The following RERE variants were observed in gnomAD, a reference collection of about 807,000 sequenced individuals.
RERE encodes the protein arginine-glutamic acid dipeptide repeats.
In RERE, 40 loss-of-function variants were observed where a neutral mutation model predicts 146.1. The observed-to-expected ratio is 0.27, with a 90% CI of 0.21 to 0.36. RERE has a LOEUF of 0.36. Among genes scored for constraint, RERE ranks in the 10% least tolerant of loss-of-function variants. The pLI, the probability that RERE is intolerant of heterozygous loss-of-function variation, is 1.00. For missense variants in RERE, 1,933 were observed against 2,138.7 expected (o/e 0.90, Z 1.90); for synonymous variants, 1,003 against 866.0 (o/e 1.16, Z -2.78).
At chr1:8,763,021 T>A (rs1640783986) in intron 1 of RERE, among the ~76,000 whole-genome samples, 1 of 152,138 alleles carries the variant, frequency 6.6e-6, no homozygotes, top group Admixed American at 6.5e-5. Context: ...TAGGGTCCAG[T>A]AAGCTTAAAA....
chr1:8,796,824 GAATGTTTA>G, intron 1 of RERE, among the ~76,000 whole-genome samples: 2 of 152,188 alleles, frequency 1.3e-5, no homozygotes, highest in Middle Eastern at 6.8e-3. Context: ...ACAGGAAACT[GAATGTTTA>G]AGTATATATA....
intron 12 of RERE, among the ~76,000 whole-genome samples, chr1:8,395,353 T>C (rs1456811777): frequency 1.3e-5 from 2 of 151,828 alleles, no homozygotes; most frequent in African/African-American, 4.8e-5. Context: ...CACACGCCTG[T>C]AGTCCCAGCT....
chr1:8,415,692 G>C (rs1227918930), intron 12 of RERE, among the ~76,000 whole-genome samples: 2 of 152,218 alleles, frequency 1.3e-5, no homozygotes, highest in African/African-American at 4.8e-5. Flanking sequence ...GGGAATATCA[G>C]CCAGTCTCTC....
chr1:8,435,182 T>TC (rs1331373719), intron 11 of RERE, among the ~76,000 whole-genome samples: 1 of 152,274 alleles, frequency 6.6e-6, no homozygotes, highest in Non-Finnish European at 1.5e-5. Flanking sequence ...TGCATGCCTC[T>TC]CTATAACCTT....
At chr1:8,395,549 C>G (rs1023200221) in intron 12 of RERE, among the ~76,000 whole-genome samples, 4 of 151,340 alleles carry the variant, frequency 2.6e-5, no homozygotes, top group African/African-American at 4.9e-5. Flanking sequence ...TCCTGCTCAG[C>G]TATGCAGGCA....
At chr1:8,723,039 G>A (rs1037062105) in intron 1 of RERE, among the ~76,000 whole-genome samples, 4 of 152,250 alleles carry the variant, frequency 2.6e-5, no homozygotes, top group Non-Finnish European at 4.4e-5. Context: ...CAGCACAAAC[G>A]ATTCAGAACT....
At chr1:8,380,396 T>G (rs1314307949) in intron 12 of RERE, among the ~76,000 whole-genome samples, 3 of 151,688 alleles carry the variant, frequency 2.0e-5, no homozygotes, top group Admixed American at 2.0e-4. Flanking sequence ...TTGCCCAGGC[T>G]GGAGTGCAGT....
At position 8,737,041 on chromosome 1, in the gene RERE, G is replaced by C. The variant is rs1261051223; in HGVS notation, c.-145+80119C>G. Among the ~76,000 whole-genome samples, 2 of 152,266 alleles carry C rather than the reference G, an allele frequency of 1.3e-5. 1 individual carries two copies. Among genetic ancestry groups the C allele is most frequent in the South Asian group, 4.2e-4 (2 of 4,816 alleles). ...TATTCCTCTTTCCTCTGAAGACTCA[G>C]AAGCAGACCTTTCAGGAGAATTTCT... On this transcript the variant is annotated intron_variant, in intron 1 of 22. Coordinates refer to ENST00000400908, the MANE Select transcript of RERE (RefSeq NM_001042681.2).
intron 1 of RERE, among the ~76,000 whole-genome samples, chr1:8,816,947 G>C (rs910713585): frequency 7.2e-5 from 11 of 152,280 alleles, no homozygotes; most frequent in African/African-American, 2.6e-4. Flanking sequence ...GCAGGGGTCA[G>C]AAGGCACGCA....
Position 8,390,882 on chromosome 1 carries a change from A to G in RERE, c.1285-24908T>C, listed in dbSNP as rs1360550815. On this transcript the variant is annotated intron_variant, in intron 12 of 22. Transcript: ENST00000400908. ...CTGACGCTGTCCTCTCTGATTTGCCACTTCTGATTCAACACCAAATCTCAC... is the reference window on the plus strand; with the variant it reads ...CTGACGCTGTCCTCTCTGATTTGCCGCTTCTGATTCAACACCAAATCTCAC... 2.0e-5 allele frequency among the ~76,000 whole-genome samples: 3 copies of G among 152,056 alleles called. No individual in the cohort carries two copies. In the East Asian group the frequency reaches 5.8e-4, roughly 29 times the overall value.
chr1:8,713,260 A>C (rs1639702629), intron 1 of RERE, among the ~76,000 whole-genome samples: 1 of 152,216 alleles, frequency 6.6e-6, no homozygotes, highest in Admixed American at 6.5e-5. Context: ...CATTTGATAC[A>C]AGTTTTCTAT....
At chr1:8,755,538 T>C (rs1640624051) in intron 1 of RERE, among the ~76,000 whole-genome samples, 1 of 152,184 alleles carries the variant, frequency 6.6e-6, no homozygotes. Flanking sequence ...TGAGGGTCTC[T>C]TTGGTTTAAG....
intron 1 of RERE, among the ~76,000 whole-genome samples, chr1:8,711,157 C>CAAAAAAAAAAA (rs57814312): frequency 7.3e-5 from 5 of 68,248 alleles, no homozygotes; most frequent in African/African-American, 6.2e-5. Context: ...ACTCTGTCTC[C>CAAAAAAAAAAA]AAAAAAAAAA....
chr1:8,739,992 T>A (rs1640276546), intron 1 of RERE, among the ~76,000 whole-genome samples: 1 of 152,088 alleles, frequency 6.6e-6, no homozygotes, highest in Admixed American at 6.6e-5. Flanking sequence ...ACAGCCTTCC[T>A]TCTTTCCCCT....
rs906034476 is a variant in RERE at position 8,726,315 on chromosome 1, T to A, written c.-144-69874A>T. 2.6e-5 allele frequency among the ~76,000 whole-genome samples: 4 copies of A among 151,712 alleles called. No homozygotes were observed. The East Asian group carries it at 5.8e-4, about 22-fold the overall frequency. On this transcript the variant is annotated intron_variant, in intron 1 of 22. Coordinates refer to ENST00000400908, the MANE Select transcript of RERE (RefSeq NM_001042681.2). Reference sequence around the variant, plus strand: ...TACAAGCACACGCCACCACGCTCGGTTAATTTTTATATTTTTAGTAGAGAT... The same window carrying A: ...TACAAGCACACGCCACCACGCTCGGATAATTTTTATATTTTTAGTAGAGAT...
chr1:8,589,336 A>T (rs1380937374), intron 4 of RERE, among the ~76,000 whole-genome samples: 1 of 152,164 alleles, frequency 6.6e-6, no homozygotes, highest in Non-Finnish European at 1.5e-5. Context: ...GCTACTTGGG[A>T]GGCTGAGGCA....
chr1:8,567,842 T>C (rs1646170569), intron 4 of RERE, among the ~76,000 whole-genome samples: 1 of 152,152 alleles, frequency 6.6e-6, no homozygotes, highest in South Asian at 2.1e-4. Context: ...CACACAGAGA[T>C]AAACTGTACG....
intron 2 of RERE, among the ~76,000 whole-genome samples, chr1:8,645,748 A>T (rs1647274975): frequency 6.6e-6 from 1 of 152,200 alleles, no homozygotes. Flanking sequence ...ATTTGTCTCA[A>T]ATATCACTTC....
chr1:8,767,588 G>C (rs1191744809), intron 1 of RERE, among the ~76,000 whole-genome samples: 7 of 145,728 alleles, frequency 4.8e-5, no homozygotes, highest in African/African-American at 1.8e-4. Flanking sequence ...CTGGGCTGCA[G>C]AGTGAGGCCT....
Sources: allele counts gnomAD v4.1 joint callset (sites outside exome capture counted in the v4.1 genomes callset), GRCh38; gene constraint gnomAD v4.1.1; transcripts MANE v1.5; gene names NCBI Gene and HGNC (gene_info 2026-07-23, HGNC 2026-07-21).